The following FARP1 variants were observed in gnomAD, a reference collection of about 807,000 sequenced individuals.
FARP1 encodes the protein FERM, ARH/RhoGEF and pleckstrin domain protein 1.
In FARP1, 52 loss-of-function variants were observed where a neutral mutation model predicts 128.8. That is an observed-to-expected ratio of 0.40 (90% CI 0.32 to 0.51). The LOEUF (loss-of-function observed/expected upper bound fraction) is 0.51. FARP1 is among the 20% of genes least tolerant of loss of function. FARP1 has a pLI of 0.45. For synonymous variants in FARP1, 580 were observed against 551.8 expected (o/e 1.05, Z -0.72); for missense variants, 1,333 against 1,367.9 (o/e 0.97, Z 0.40).
chr13:98,165,710 G>GTTTT lies in FARP1; in HGVS notation c.-24+22248_-24+22251dup, dbSNP rs71111927. Among the ~76,000 whole-genome samples the GTTTT allele has an allele frequency of 3.3e-3, 241 of 74,122 alleles. 15 individuals carry two copies. Among genetic ancestry groups the GTTTT allele is most frequent in the South Asian group, 9.1e-3 (16 of 1,758 alleles). The allele number at this position is 74,122 out of a possible 152,430, so 48.6% of individuals were successfully genotyped here. ...AAAAAAAAAAACCCTTCCAGAAGGG[G>GTTTT]TTTTTTTTTTTTTTTTTTTTTTTTT... On this transcript the variant is annotated intron_variant, in intron 1 of 26. Coordinates refer to ENST00000319562, the MANE Select transcript of FARP1 (RefSeq NM_005766.4).
chr13:98,246,335 T>TCC (rs1357963181), intron 2 of FARP1, among the ~76,000 whole-genome samples: 1 of 38,950 alleles, frequency 2.6e-5, no homozygotes, highest in Non-Finnish European at 5.1e-5. Context: ...GACCTCGTGA[T>TCC]CCCCGCCTCG....
At chr13:98,225,273 T>A (rs1881691461) in intron 2 of FARP1, among the ~76,000 whole-genome samples, 1 of 152,176 alleles carries the variant, frequency 6.6e-6, no homozygotes, top group South Asian at 2.1e-4. Context: ...TTTTATTGAC[T>A]TGATTTCAGT....
chr13:98,252,385 T>G lies in FARP1; in HGVS notation c.171+38972T>G, dbSNP rs1293130032. ...GCTCTTGTCAGGTTCACATTCATGT[T>G]CTTGGGTAGGTTCAATAGAACGTTC... On this transcript the variant is annotated intron_variant, in intron 2 of 26. Coordinates refer to ENST00000319562, the MANE Select transcript of FARP1 (RefSeq NM_005766.4). Among the ~76,000 whole-genome samples, 3 of 152,220 alleles carry G rather than the reference T, an allele frequency of 2.0e-5. 1 individual carries two copies. The highest frequency in any genetic ancestry group is 4.4e-5 in the Non-Finnish European group (3 of 68,042).
intron 1 of FARP1, among the ~76,000 whole-genome samples, chr13:98,148,730 A>G (rs1210947442): frequency 1.3e-5 from 2 of 152,062 alleles, no homozygotes; most frequent in Non-Finnish European, 2.9e-5. Flanking sequence ...TGGGTGTGCA[A>G]TTCTGTATTG....
At chr13:98,270,052 C>T (rs1192262154) in intron 2 of FARP1, among the ~76,000 whole-genome samples, 2 of 152,198 alleles carry the variant, frequency 1.3e-5, no homozygotes, top group African/African-American at 4.8e-5. Flanking sequence ...TTGCAGTGAG[C>T]TGAGATCACT....
Position 98,365,404 on chromosome 13 carries a change from G to C in FARP1, c.286G>C (p.Asp96His). The change falls in exon 4 of 27, where the codon GAT (aspartate) becomes CAT (histidine). Residue 96 changes from aspartate to histidine, a missense_variant. This residue lies in a region of FARP1 where 324 missense variants were observed against 398.1 expected (regional missense o/e 0.81). Transcript: ENST00000319562. ...PDHKKITVWL[D>H]LLKPIVKQIR... ...CTTTTTTCCCTTCTAGGTGTGGCTG[G>C]ATCTCCTAAAACCCATTGTGAAACA... 5 of 1,609,770 alleles carry C rather than the reference G, an allele frequency of 3.1e-6. No homozygotes were observed. The highest frequency in any genetic ancestry group is 4.3e-6 in the Non-Finnish European group (5 of 1,176,292).
intron 2 of FARP1, among the ~76,000 whole-genome samples, chr13:98,314,319 C>T (rs1377027778): frequency 8.6e-5 from 10 of 116,152 alleles, no homozygotes; most frequent in South Asian, 2.7e-4. Flanking sequence ...CTTGCTTTGT[C>T]GCCAGGCTGG....
intron 16 of FARP1, among the ~76,000 whole-genome samples, chr13:98,418,884 A>G (rs1891486827): frequency 6.6e-6 from 1 of 152,144 alleles, no homozygotes; most frequent in African/African-American, 2.4e-5. Context: ...CCGGGTTGTC[A>G]CTTTGGATCC....
Position 98,450,355 on chromosome 13 carries a change from G to A in FARP1, c.*2038G>A, listed in dbSNP as rs1457400303. The A allele has an allele frequency of 6.6e-6, 1 of 152,196 alleles. No homozygotes were observed. The highest frequency in any genetic ancestry group is 1.5e-5 in the Non-Finnish European group (1 of 68,042). 9.4% of individuals were successfully genotyped at this position (152,196 alleles called of 1,614,324 possible). A position where few individuals can be genotyped will look rare whatever the true frequency, so the allele number is the denominator to read the frequency against. On this transcript the variant is annotated 3_prime_UTR_variant, in exon 27 of 27. Transcript: ENST00000319562. ...GAAATATAAAAAATGTTTATAAACT[G>A]ACAGTGTTTTGCCAGAGGAAAGGTA...
At chr13:98,188,114 G>T (rs1479544361) in intron 1 of FARP1, among the ~76,000 whole-genome samples, 1 of 152,194 alleles carries the variant, frequency 6.6e-6, no homozygotes, top group Non-Finnish European at 1.5e-5. Flanking sequence ...GAACATGGCT[G>T]CCGCTTGTTG....
intron 2 of FARP1, among the ~76,000 whole-genome samples, chr13:98,228,805 T>C (rs2139394999): frequency 6.6e-6 from 1 of 152,362 alleles, no homozygotes; most frequent in Non-Finnish European, 1.5e-5. Context: ...GTTTCTAGGC[T>C]ATCCGATGAT....
At chr13:98,290,286 C>T (rs1885391112) in intron 2 of FARP1, among the ~76,000 whole-genome samples, 1 of 151,880 alleles carries the variant, frequency 6.6e-6, no homozygotes, top group African/African-American at 2.4e-5. Context: ...TAATGGTGTG[C>T]AAATGGATAT....
intron 13 of FARP1, chr13:98,397,672 C>T (rs973070811): frequency 6.6e-6 from 1 of 152,074 alleles, no homozygotes; most frequent in Admixed American, 6.5e-5. Flanking sequence ...GACCCTGACC[C>T]TAGGGATTTT....
At chr13:98,273,029 G>A (rs1231212212) in intron 2 of FARP1, among the ~76,000 whole-genome samples, 4 of 152,184 alleles carry the variant, frequency 2.6e-5, no homozygotes, top group Non-Finnish European at 1.5e-5. Flanking sequence ...GAGAAAGTGC[G>A]CCCAAGGTGG....
At chr13:98,252,247 G>A (rs1883371138) in intron 2 of FARP1, among the ~76,000 whole-genome samples, 1 of 152,130 alleles carries the variant, frequency 6.6e-6, no homozygotes, top group African/African-American at 2.4e-5. Context: ...TTTTCAAAAT[G>A]CCCATTTGCA....
chr13:98,266,329 C>A (rs1884113696), intron 2 of FARP1, among the ~76,000 whole-genome samples: 1 of 152,284 alleles, frequency 6.6e-6, no homozygotes, highest in East Asian at 1.9e-4. Context: ...GGGCTTCAGT[C>A]CCAGTTCGGC....
intron 2 of FARP1, among the ~76,000 whole-genome samples, chr13:98,241,031 C>A (rs769131318): frequency 1.3e-5 from 2 of 152,324 alleles, no homozygotes; most frequent in African/African-American, 4.8e-5. Flanking sequence ...AGCGAAGATT[C>A]GAATCCAGCA....
At chr13:98,319,007 G>A (rs963301899) in intron 2 of FARP1, among the ~76,000 whole-genome samples, 7 of 138,538 alleles carry the variant, frequency 5.1e-5, no homozygotes, top group Non-Finnish European at 3.0e-5. Context: ...CTGTTGCCCA[G>A]GCTAGAGTGC....
chr13:98,151,653 C>A (rs1312020704), intron 1 of FARP1, among the ~76,000 whole-genome samples: 8 of 50,940 alleles, frequency 1.6e-4, no homozygotes, highest in Non-Finnish European at 4.2e-4. Flanking sequence ...CCTTATATAT[C>A]TTCCATCTTT....
Sources: gnomAD v4.1 joint callset for allele counts (sites outside exome capture counted in the v4.1 genomes callset) on GRCh38, gnomAD v4.1.1 for gene constraint, gnomAD v4.1.1 regional missense constraint, MANE v1.5 for transcripts, NCBI Gene and HGNC (gene_info 2026-07-23, HGNC 2026-07-21) for gene names.